The following SPARCL1 variants were observed in gnomAD, a reference collection of about 807,000 sequenced individuals.
SPARCL1 encodes SPARC like 1.
A neutral mutation model predicts 67.1 loss-of-function variants in SPARCL1; 52 were observed. The ratio of observed to expected loss-of-function variants is 0.78; its 90% CI spans 0.62 to 0.98. SPARCL1 has a LOEUF of 0.98. Ranked by LOEUF, SPARCL1 falls within the 50% of genes least tolerant of loss-of-function variation. The pLI, the probability that SPARCL1 is intolerant of heterozygous loss-of-function variation, is 0.00. For missense variants in SPARCL1, 717 were observed against 782.4 expected, an observed-to-expected ratio of 0.92 and a Z score of 1.00; for synonymous variants, 226 against 267.8, an observed-to-expected ratio of 0.84 and a Z score of 1.52.
intron 8 of SPARCL1, among the ~76,000 whole-genome samples, chr4:87,482,220 A>G (rs954974681): frequency 6.6e-6 from 1 of 152,200 alleles, no homozygotes; most frequent in Non-Finnish European, 1.5e-5. Flanking sequence ...ACCATTGGGA[A>G]GAATGGGGCG....
rs368569250 is a variant in SPARCL1 at position 87,481,526 on chromosome 4, C to A, written c.1668+898G>T. Reference sequence around the variant, plus strand: ...ACTGGAGCTTCCCTCCTGAAACATGCTCCCACCCCAGGAACAGTTCCTATC... The same window carrying A: ...ACTGGAGCTTCCCTCCTGAAACATGATCCCACCCCAGGAACAGTTCCTATC... On this transcript the variant is annotated intron_variant, in intron 8 of 10. Coordinates refer to ENST00000282470, the MANE Select transcript of SPARCL1 (RefSeq NM_004684.6). Among the ~76,000 whole-genome samples the A allele has an allele frequency of 5.4e-4, 82 of 152,280 alleles. No homozygotes were observed. The East Asian group carries it at 9.7e-3, about 18-fold the overall frequency.
Position 87,512,899 on chromosome 4 carries a change from G to A in SPARCL1, c.-11-13314C>T, listed in dbSNP as rs973459111. 1.1e-4 allele frequency among the ~76,000 whole-genome samples: 16 copies of A among 152,292 alleles called. No individual in the cohort carries two copies. In the South Asian group the frequency reaches 1.9e-3, roughly 18 times the overall value. On this transcript the variant is annotated intron_variant, in intron 1 of 10. Transcript: ENST00000282470. ...TCATAGGCTGTAATACTTAATTTGCGTAAATAAGCAAATTGTGTAGCTTTT... is the reference window on the plus strand; with the variant it reads ...TCATAGGCTGTAATACTTAATTTGCATAAATAAGCAAATTGTGTAGCTTTT...
At chr4:87,478,346 C>T (rs1260460580) in intron 10 of SPARCL1, among the ~76,000 whole-genome samples, 2 of 151,786 alleles carry the variant, frequency 1.3e-5, no homozygotes, top group African/African-American at 4.8e-5. Flanking sequence ...ATCTGATTAA[C>T]GAATGCATTA....
intron 9 of SPARCL1, among the ~76,000 whole-genome samples, chr4:87,479,885 G>A (rs561794665): frequency 6.6e-6 from 1 of 152,230 alleles, no homozygotes; most frequent in South Asian, 2.1e-4. Flanking sequence ...GATTGTTTTA[G>A]ATGTAGTCAC....
intron 1 of SPARCL1, among the ~76,000 whole-genome samples, chr4:87,527,029 G>A (rs1441705590): frequency 6.6e-6 from 1 of 152,064 alleles, no homozygotes; most frequent in African/African-American, 2.4e-5. Flanking sequence ...ATATAAACAG[G>A]GTCCATATGG....
At chr4:87,490,490 C>T in intron 6 of SPARCL1, 97 bp from the exon 7 acceptor site, 1 of 1,386,392 alleles carries the variant, frequency 7.2e-7, no homozygotes, top group Non-Finnish European at 9.7e-7. Context: ...CAGCGCTGTG[C>T]CAAAGATGTG....
intron 7 of SPARCL1, among the ~76,000 whole-genome samples, chr4:87,486,922 T>C (rs1724095505): frequency 9.2e-6 from 1 of 108,864 alleles, no homozygotes; most frequent in African/African-American, 3.8e-5. Context: ...TTTTTTTTTT[T>C]TTTTTTTGCT....
rs367811740 is a variant in SPARCL1, at chr4:87,487,928, T to C, written c.1531+2345A>G. 5.9e-5 allele frequency among the ~76,000 whole-genome samples: 9 copies of C among 152,256 alleles called. No individual in the cohort carries two copies. In the East Asian group the frequency reaches 1.2e-3, roughly 20 times the overall value. ...TATGCTTCACGAAGTTCTCGTGCTG[T>C]GTTTTTCAGCTCCATCAGGTCATTT... is the stretch of plus-strand genomic sequence containing the variant. On this transcript the variant is annotated intron_variant, in intron 7 of 10. Coordinates refer to ENST00000282470, the MANE Select transcript of SPARCL1 (RefSeq NM_004684.6).
At chr4:87,515,784 G>A (rs1274667125) in intron 1 of SPARCL1, among the ~76,000 whole-genome samples, 3 of 152,170 alleles carry the variant, frequency 2.0e-5, no homozygotes, top group African/African-American at 7.2e-5. Flanking sequence ...ATTTGTCATG[G>A]CAGAAATAGG....
At chr4:87,491,943 C>CCCT (rs1724355663) in intron 4 of SPARCL1, among the ~76,000 whole-genome samples, 1 of 110,010 alleles carries the variant, frequency 9.1e-6, no homozygotes, top group African/African-American at 2.9e-5. Context: ...CATCTCTACC[C>CCCT]ACCCCCCCCC....
intron 10 of SPARCL1, among the ~76,000 whole-genome samples, chr4:87,476,050 A>G (rs1578091019): frequency 6.6e-6 from 1 of 152,186 alleles, no homozygotes; most frequent in East Asian, 1.9e-4. Flanking sequence ...GCCAAACCAT[A>G]ATTACTTTTG....
rs1055500956 is a variant in SPARCL1, at chr4:87,490,516, C to A, written c.1411-123G>T. ...CAAAGATGTGGTCAGGTAGGTGAGA[C>A]TATTAAAATCGTAATTGTTCCATTT... On this transcript the variant is annotated intron_variant, in intron 6 of 10. Transcript: ENST00000282470. 1.6e-5 allele frequency: 18 copies of A among 1,159,084 alleles called. No homozygotes were observed. In the African/African-American group the frequency reaches 2.5e-4, roughly 16 times the overall value. 71.8% of individuals were successfully genotyped at this position (1,159,084 alleles called of 1,614,324 possible).
At chr4:87,518,461 A>T (rs773480583) in intron 1 of SPARCL1, among the ~76,000 whole-genome samples, 1 of 152,210 alleles carries the variant, frequency 6.6e-6, no homozygotes, top group African/African-American at 2.4e-5. Flanking sequence ...TCAAAGTATA[A>T]TAAAACATTT....
intron 2 of SPARCL1, among the ~76,000 whole-genome samples, chr4:87,496,180 C>T (rs537420249): frequency 2.0e-5 from 3 of 152,012 alleles, no homozygotes; most frequent in Admixed American, 6.5e-5. Flanking sequence ...TTTGACAGGT[C>T]GTTAATATTT....
intron 7 of SPARCL1, among the ~76,000 whole-genome samples, chr4:87,488,636 G>A (rs1420150406): frequency 2.0e-5 from 3 of 152,200 alleles, no homozygotes; most frequent in Admixed American, 6.5e-5. Context: ...TGGGAGATCT[G>A]CTGCTCTCTT....
chr4:87,506,782 C>CATCT (rs11412640), intron 1 of SPARCL1, among the ~76,000 whole-genome samples: 3,186 of 93,754 alleles, frequency 0.034, 29 homozygotes, highest in Middle Eastern at 0.07. Context: ...ATCTATCTAT[C>CATCT]ATCTATCTAT....
At chr4:87,489,145 A>T (rs1724199492) in intron 7 of SPARCL1, among the ~76,000 whole-genome samples, 1 of 151,962 alleles carries the variant, frequency 6.6e-6, no homozygotes, top group South Asian at 2.1e-4. Context: ...TATGGAAAAA[A>T]ACTCCTGTAG....
intron 1 of SPARCL1, among the ~76,000 whole-genome samples, chr4:87,505,908 A>G (rs1725053493): frequency 6.6e-6 from 1 of 152,116 alleles, no homozygotes; most frequent in Admixed American, 6.6e-5. Context: ...TTTGAAAACT[A>G]TAGAAATACA....
chr4:87,488,773 A>C (rs192594501), intron 7 of SPARCL1, among the ~76,000 whole-genome samples: 12 of 152,302 alleles, frequency 7.9e-5, no homozygotes, highest in Admixed American at 3.9e-4. Flanking sequence ...CCTTACTTTC[A>C]GAGATGCCTT....
Sources: gnomAD v4.1 joint callset for allele counts (sites outside exome capture counted in the v4.1 genomes callset) on GRCh38, gnomAD v4.1.1 for gene constraint, MANE v1.5 for transcripts, NCBI Gene and HGNC (gene_info 2026-07-23, HGNC 2026-07-21) for gene names.